TRIM17: variants seen among roughly 807,000 people sequenced by gnomAD.
TRIM17 encodes the protein tripartite motif containing 17.
In TRIM17, 27 loss-of-function variants were observed where a neutral mutation model predicts 35.8. The observed-to-expected ratio is 0.75, with a 90% CI of 0.56 to 1.04. TRIM17 has a LOEUF of 1.04. Among genes scored for constraint, TRIM17 ranks in the 50% least tolerant of loss-of-function variants. TRIM17 has a pLI of 0.00. For synonymous variants in TRIM17, 246 were observed against 252.6 expected, an observed-to-expected ratio of 0.97 and a Z score of 0.25; for missense variants, 582 against 612.8, an observed-to-expected ratio of 0.95 and a Z score of 0.53.
At position 228,408,812 on chromosome 1, in the gene TRIM17, T is replaced by C. The variant is rs1316851188; in HGVS notation, c.884-61A>G. ...GGTGTGGGGCATTCAGGGTCAAAGG[T>C]GGGAGTCCCCGGGCCCTAGTGGTGG... On this transcript the variant is annotated intron_variant, in intron 6 of 6. Coordinates refer to ENST00000366698, the MANE Select transcript of TRIM17 (RefSeq NM_016102.4). This position sits in a 1 kb window ranked among gnomAD's most constrained non-coding sequence, Gnocchi z 6.3. 3.0e-5 allele frequency: 46 copies of C among 1,555,648 alleles called. No homozygotes were observed. Among genetic ancestry groups the C allele is most frequent in the Non-Finnish European group, 1.7e-6 (2 of 1,156,424 alleles).
chr1:228,416,722 G>GGGGGGGGGGGGC lies in TRIM17; in HGVS notation c.-226_-225insGCCCCCCCCCCC. ...GGGGCTGGGGGGCGGCGGGGGAGGG[G>GGGGGGGGGGGGC]AATGCTGGGCGAGGGAGTGTTCGGC... On this transcript the variant is annotated 5_prime_UTR_variant, in exon 1 of 7. Transcript: ENST00000366698. 8 of 568,096 alleles carry GGGGGGGGGGGGC rather than the reference G, an allele frequency of 1.4e-5. No individual in the cohort carries two copies. Among genetic ancestry groups the GGGGGGGGGGGGC allele is most frequent in the Non-Finnish European group, 1.8e-5 (8 of 453,582 alleles). 35.2% of individuals were successfully genotyped at this position (568,096 alleles called of 1,614,324 possible).
In TRIM17 at chr1:228,410,619, T is replaced by C. The variant is rs1162639915; in HGVS notation, c.756+327A>G. Among the ~76,000 whole-genome samples, 1 of 152,150 alleles carries C rather than the reference T, an allele frequency of 6.6e-6. No homozygotes were observed. Among genetic ancestry groups the C allele is most frequent in the Non-Finnish European group, 1.5e-5 (1 of 68,014 alleles). Reference sequence around the variant, plus strand: ...TGTGACTGTGTTTGGAGATAGCATCTTTAAGGAGGGAGTTGAGGTCACTGG... The same window carrying C: ...TGTGACTGTGTTTGGAGATAGCATCCTTAAGGAGGGAGTTGAGGTCACTGG... On this transcript the variant is annotated intron_variant, in intron 4 of 6. Transcript: ENST00000366698. The surrounding 1 kb of genome is among the most constrained non-coding windows in gnomAD (Gnocchi z 4.6).
At position 228,413,864 on chromosome 1, in the gene TRIM17, A is replaced by C; in HGVS notation, c.458T>G (p.Leu153Arg). The change falls in exon 3 of 7, where the codon CTT (leucine) becomes CGT (arginine). Residue 153 changes from leucine (L) to arginine (R), a missense_variant. Transcript: ENST00000366698. ...CCCTGTCCTGGTGATCTGCTCCCGA[A>C]GGTACTCCATGTCCTCCTCCAGCTT... Reference protein sequence around the residue: ...KLKLEEDMEYLREQITRTGNL... With the variant: ...KLKLEEDMEYRREQITRTGNL... The C allele has an allele frequency of 1.2e-6, 2 of 1,614,216 alleles. No homozygotes were observed. The highest frequency in any genetic ancestry group is 1.7e-6 in the Non-Finnish European group (2 of 1,180,032).
At position 228,410,465 on chromosome 1, in the gene TRIM17, A is replaced by G. The variant is rs2149104467; in HGVS notation, c.756+481T>C. Among the ~76,000 whole-genome samples, 1 of 151,882 alleles carries G rather than the reference A, an allele frequency of 6.6e-6. No individual in the cohort carries two copies. Among genetic ancestry groups the G allele is most frequent in the South Asian group, 2.1e-4 (1 of 4,778 alleles). ...TGTCCCAAAGCCACACCTGGCTGCC[A>G]GGTGTCCCAAGCCACCTCTCTGGAC... On this transcript the variant is annotated intron_variant, in intron 4 of 6. Transcript: ENST00000366698. The surrounding 1 kb of genome is among the most constrained non-coding windows in gnomAD (Gnocchi z 4.6).
intron 2 of TRIM17, 42 bp from the exon 3 acceptor site, chr1:228,413,934 C>CAAAT: frequency 2.6e-6 from 4 of 1,547,758 alleles, no homozygotes; most frequent in Non-Finnish European, 3.6e-6. Context: ...TCAGCGATCC[C>CAAAT]CCTACCTCCT....
Position 228,410,373 on chromosome 1 carries a change from C to T in TRIM17, c.756+573G>A, listed in dbSNP as rs540174198. On this transcript the variant is annotated intron_variant, in intron 4 of 6. Coordinates refer to ENST00000366698, the MANE Select transcript of TRIM17 (RefSeq NM_016102.4). The surrounding 1 kb of genome is among the most constrained non-coding windows in gnomAD (Gnocchi z 4.6). ...AGACAGGCTGGCTGCTTCACCTCCC[C>T]ACTGCCGTTGCCACACAACTCACTC... 6.6e-6 allele frequency among the ~76,000 whole-genome samples: 1 copy of T among 152,254 alleles called. No individual in the cohort carries two copies. Among genetic ancestry groups the T allele is most frequent in the South Asian group, 2.1e-4 (1 of 4,822 alleles).
At position 228,413,983 on chromosome 1, in the gene TRIM17, C is replaced by T. The variant is rs1262375145; in HGVS notation, c.430-91G>A. The stretch of plus-strand genomic sequence containing the variant: ...TTGTGCTCGCTGAAACTGCACCCAC[C>T]CCAGAGACCCTCCTCAGGAGGGGCA... On this transcript the variant is annotated intron_variant, in intron 2 of 6. Coordinates refer to ENST00000366698, the MANE Select transcript of TRIM17 (RefSeq NM_016102.4). 5 of 1,011,656 alleles carry T rather than the reference C, an allele frequency of 4.9e-6. No individual in the cohort carries two copies. In the Admixed American group the frequency reaches 7.0e-5, roughly 14 times the overall value. 62.7% of individuals were successfully genotyped at this position (1,011,656 alleles called of 1,614,324 possible).
At chr1:228,415,136 G>T (rs978836455) in intron 1 of TRIM17, 23 bp from the exon 2 acceptor site, 2 of 1,522,188 alleles carry the variant, frequency 1.3e-6, no homozygotes, top group Non-Finnish European at 1.8e-6. Context: ...GGAGGGAGCA[G>T]CCCGATGATC....
chr1:228,412,818 TG>T (rs1406715578), intron 3 of TRIM17, among the ~76,000 whole-genome samples: 1 of 152,086 alleles, frequency 6.6e-6, no homozygotes, highest in Non-Finnish European at 1.5e-5. Flanking sequence ...GTTTTAATTT[TG>T]TGTTTTGACA....
At chr1:228,413,731 CAG>C in intron 3 of TRIM17, 64 bp downstream of exon 3, 1 of 1,371,038 alleles carries the variant, frequency 7.3e-7, no homozygotes, top group African/African-American at 1.4e-5. Flanking sequence ...CGGGCAGACA[CAG>C]ACGTGGAAAT....
chr1:228,409,323 C>A, intron 5 of TRIM17, 48 bp from the exon 6 acceptor site: 1 of 1,609,908 alleles, frequency 6.2e-7, no homozygotes, highest in Non-Finnish European at 8.5e-7. Context: ...CCTGGCCCGA[C>A]AGTCTTATTG....
chr1:228,411,054 GC>G lies in TRIM17; in HGVS notation c.647del (p.Ser216ThrfsTer39). 6.2e-7 allele frequency: 1 copy of G among 1,613,842 alleles called. No individual in the cohort carries two copies. The highest frequency in any genetic ancestry group is 8.5e-7 in the Non-Finnish European group (1 of 1,180,010). ...GGCAGGCCACGCTCTCCCGGAGCCT[GC>G]TGGCAGTCTCCTCTTCTTCCGTCTC... The part of the protein sequence containing the change: ...ALETEEEETA[S>X]RLRESVACLD... On this transcript the variant is annotated frameshift_variant, in exon 4 of 7. Transcript: ENST00000366698. LOFTEE classifies it high-confidence loss of function. The surrounding 1 kb of genome is among the most constrained non-coding windows in gnomAD (Gnocchi z 4.2).
chr1:228,414,891 G>A lies in TRIM17; in HGVS notation c.182C>T (p.Pro61Leu). The part of the protein sequence containing the change: ...KGRRKRKGSF[P>L]CPECREMSPQ... ...GGACATCTCTCTGCACTCGGGGCAG[G>A]GGAAGGAGCCCTTCCGCTTCCGCCT... The change falls in exon 2 of 7, where the codon CCC (proline) becomes CTC (leucine). Residue 61 changes from proline (P) to leucine (L), a missense_variant. Physicochemically the swap from Pro to Leu is moderately conservative, Grantham distance 98. Transcript: ENST00000366698. 2 of 1,613,586 alleles carry A rather than the reference G, an allele frequency of 1.2e-6. No individual in the cohort carries two copies. Among genetic ancestry groups the A allele is most frequent in the South Asian group, 1.1e-5 (1 of 91,080 alleles).
intron 2 of TRIM17, 140 bp from the exon 3 acceptor site, chr1:228,414,032 A>G: frequency 1.5e-6 from 1 of 676,230 alleles, no homozygotes; most frequent in Non-Finnish European, 2.6e-6. Flanking sequence ...CGTCACCCAG[A>G]ATGTGCCACC....
rs1291816674 is a variant in TRIM17 at position 228,414,886 on chromosome 1, G to A, written c.187C>T (p.Pro63Ser). 6.2e-7 allele frequency: 1 copy of A among 1,613,460 alleles called. No homozygotes were observed. The highest frequency in any genetic ancestry group is 8.5e-7 in the Non-Finnish European group (1 of 1,180,006). Residue 63 changes from proline (P) to serine (S), a missense_variant, in exon 2 of 7, where the codon CCC becomes TCC. Coordinates refer to ENST00000366698, the MANE Select transcript of TRIM17 (RefSeq NM_016102.4). Reference protein sequence around the residue: ...RRKRKGSFPCPECREMSPQRN... With the variant: ...RRKRKGSFPCSECREMSPQRN... ...TGCGGGGACATCTCTCTGCACTCGG[G>A]GCAGGGGAAGGAGCCCTTCCGCTTC...
At position 228,416,627 on chromosome 1, in the gene TRIM17, G is replaced by A. The variant is rs919610742; in HGVS notation, c.-130C>T. 1 of 985,522 alleles carries A rather than the reference G, an allele frequency of 1.0e-6. No homozygotes were observed. The highest frequency in any genetic ancestry group is 1.2e-6 in the Non-Finnish European group (1 of 830,128). The allele number at this position is 985,522 out of a possible 1,614,324, so 61.0% of individuals were successfully genotyped here. A position where few individuals can be genotyped will look rare whatever the true frequency, so the allele number is the denominator to read the frequency against. ...GCTGGGTCTGCCCCCACGAAGCCCA[G>A]GAGGCTGCGGCCCGGCCCGGGGCGT... On this transcript the variant is annotated 5_prime_UTR_variant, in exon 1 of 7. Transcript: ENST00000366698.
chr1:228,408,055 A>G lies in TRIM17; in HGVS notation c.*146T>C. The stretch of plus-strand genomic sequence containing the variant: ...TTAATGTTTGACAGTTCTAATCACA[A>G]TTATATTTAGAATTTGAGAAACCCC... On this transcript the variant is annotated 3_prime_UTR_variant, in exon 7 of 7. Transcript: ENST00000366698. The surrounding 1 kb of genome is among the most constrained non-coding windows in gnomAD (Gnocchi z 6.3). 6 of 722,650 alleles carry G rather than the reference A, an allele frequency of 8.3e-6. No homozygotes were observed. Among genetic ancestry groups the G allele is most frequent in the Admixed American group, 3.0e-5 (1 of 33,792 alleles). The allele number at this position is 722,650 out of a possible 1,614,324, so 44.8% of individuals were successfully genotyped here.
Position 228,408,081 on chromosome 1 carries a change from C to T in TRIM17, c.*120G>A, listed in dbSNP as rs1380222490. 2 of 894,598 alleles carry T rather than the reference C, an allele frequency of 2.2e-6. No individual in the cohort carries two copies. The highest frequency in any genetic ancestry group is 2.1e-5 in the South Asian group (1 of 48,640). 55.4% of individuals were successfully genotyped at this position (894,598 alleles called of 1,614,324 possible). A position where few individuals can be genotyped will look rare whatever the true frequency, so the allele number is the denominator to read the frequency against. On this transcript the variant is annotated 3_prime_UTR_variant, in exon 7 of 7. Coordinates refer to ENST00000366698, the MANE Select transcript of TRIM17 (RefSeq NM_016102.4). The surrounding 1 kb of genome is among the most constrained non-coding windows in gnomAD (Gnocchi z 6.3). ...TTATATTTAGAATTTGAGAAACCCC[C>T]CTGTGTGTCTAATGGCTGCCAGCGT...
At position 228,408,395 on chromosome 1, in the gene TRIM17, G is replaced by A. The variant is rs1339128108; in HGVS notation, c.1240C>T (p.Pro414Ser). The A allele has an allele frequency of 6.2e-7, 1 of 1,614,066 alleles. No homozygotes were observed. The highest frequency in any genetic ancestry group is 1.3e-5 in the African/African-American group (1 of 74,934). ...AGGAAGATGCCCATGTGGCTGGGAG[G>A]CTCCATCAGCATGACCGGGGTTAGG... ...SALTPVMLME[P>S]PSHMGIFLDF... The change falls in exon 7 of 7, where the codon CCT becomes TCT. Residue 414 changes from proline to serine, a missense_variant. Physicochemically the swap from Pro to Ser is moderately conservative, Grantham distance 74. Transcript: ENST00000366698. The surrounding 1 kb of genome is among the most constrained non-coding windows in gnomAD (Gnocchi z 6.3).
Sources: gnomAD v4.1 joint callset for allele counts (sites outside exome capture counted in the v4.1 genomes callset) on GRCh38, gnomAD v4.1.1 for gene constraint, Gnocchi (gnomAD v3.1) non-coding constraint, MANE v1.5 for transcripts, NCBI Gene and HGNC (gene_info 2026-07-23, HGNC 2026-07-21) for gene names.